MSH3: variants seen among roughly 807,000 people sequenced by gnomAD.
MSH3 encodes DNA mismatch repair protein Msh3.
A neutral mutation model predicts 123.3 loss-of-function variants in MSH3; 106 were observed. The observed-to-expected ratio is 0.86, with a 90% CI of 0.73 to 1.01. The LOEUF (loss-of-function observed/expected upper bound fraction) is 1.01. MSH3 is among the 50% of genes least tolerant of loss of function. The pLI, the probability that MSH3 is intolerant of heterozygous loss-of-function variation, is 0.00. For synonymous variants in MSH3, 515 were observed against 481.4 expected, an observed-to-expected ratio of 1.07 and a Z score of -0.91; for missense variants, 1,459 against 1,347.6, an observed-to-expected ratio of 1.08 and a Z score of -1.29.
At chr5:80,810,419 C>T (rs1479782294) in intron 19 of MSH3, among the ~76,000 whole-genome samples, 1 of 151,840 alleles carries the variant, frequency 6.6e-6, no homozygotes, top group Admixed American at 6.6e-5. Context: ...CCTTTTTGAG[C>T]ACTTGTATGT....
At chr5:80,762,768 TTA>T (rs1375084902) in intron 13 of MSH3, among the ~76,000 whole-genome samples, 43 of 147,864 alleles carry the variant, frequency 2.9e-4, no homozygotes, top group African/African-American at 8.7e-4. Flanking sequence ...TTATTTTATT[TTA>T]TTTTAATTTT....
chr5:80,720,624 T>G (rs572960356), intron 8 of MSH3, among the ~76,000 whole-genome samples: 36 of 152,300 alleles, frequency 2.4e-4, no homozygotes, highest in African/African-American at 8.4e-4. Context: ...ATTTGTTTTC[T>G]TAATAATTTT....
chr5:80,743,977 G>A (rs547624730), intron 11 of MSH3, among the ~76,000 whole-genome samples: 1 of 152,058 alleles, frequency 6.6e-6, no homozygotes, highest in East Asian at 1.9e-4. Flanking sequence ...AGTTAATTGT[G>A]ATTTTTTTTT....
chr5:80,762,735 ATTTTATTTTG>A (rs1334137036), intron 13 of MSH3, among the ~76,000 whole-genome samples: 37 of 145,500 alleles, frequency 2.5e-4, no homozygotes, highest in African/African-American at 5.1e-4. Context: ...CTAAATTTTT[ATTTTATTTTG>A]TTTTATTTTG....
chr5:80,658,202 G>A (rs752470444), intron 2 of MSH3, among the ~76,000 whole-genome samples: 1 of 151,858 alleles, frequency 6.6e-6, no homozygotes, highest in Non-Finnish European at 1.5e-5. Context: ...GGGATTACAG[G>A]TGCGTGCCAC....
intron 12 of MSH3, chr5:80,746,489 C>T (rs1743722653): frequency 4.0e-6 from 2 of 500,392 alleles, no homozygotes; most frequent in African/African-American, 3.9e-5. Context: ...TCAAGCAAAC[C>T]TTTGATGTCT....
chr5:80,715,545 C>T (rs754952738), intron 8 of MSH3, among the ~76,000 whole-genome samples: 3 of 151,996 alleles, frequency 2.0e-5, no homozygotes, highest in Non-Finnish European at 2.9e-5. Context: ...TAGATGTGCT[C>T]TGTTGTATTA....
intron 2 of MSH3, among the ~76,000 whole-genome samples, chr5:80,662,840 A>ATTTT (rs1554066672): frequency 2.7e-5 from 4 of 149,442 alleles, no homozygotes; most frequent in African/African-American, 1.0e-4. Context: ...AAAAAAAAAA[A>ATTTT]TTTTATTTGG....
intron 21 of MSH3, among the ~76,000 whole-genome samples, chr5:80,859,143 T>C (rs245350): frequency 0.86 from 130,966 of 151,952 alleles, 56,522 homozygotes; most frequent in East Asian, 1. Flanking sequence ...ATATTTTAGA[T>C]AGAGTCTCAC....
At chr5:80,769,208 A>G (rs1744175219) in intron 15 of MSH3, among the ~76,000 whole-genome samples, 1 of 152,118 alleles carries the variant, frequency 6.6e-6, no homozygotes, top group African/African-American at 2.4e-5. Flanking sequence ...AAGTAATGCA[A>G]CTTAATGTTA....
intron 16 of MSH3, 34 bp from the exon 17 acceptor site, chr5:80,778,686 T>A (rs1169676367): frequency 1.6e-6 from 2 of 1,250,342 alleles, no homozygotes; most frequent in Admixed American, 3.4e-5. Context: ...TTACTAACCT[T>A]GATTTCCTAT....
chr5:80,851,062 A>G (rs989663806), intron 20 of MSH3, among the ~76,000 whole-genome samples: 2 of 152,060 alleles, frequency 1.3e-5, no homozygotes, highest in African/African-American at 4.8e-5. Flanking sequence ...CTAACATACT[A>G]ATTTTATTGG....
chr5:80,729,430 A>AATG lies in MSH3; in HGVS notation c.1568+465_1568+466insATG, dbSNP rs1491210653. 8.5e-3 allele frequency among the ~76,000 whole-genome samples: 668 copies of AATG among 78,228 alleles called. 8 individuals carry two copies. The highest frequency in any genetic ancestry group is 0.019 in the African/African-American group (336 of 17,778). The allele number at this position is 78,228 out of a possible 152,430, so 51.3% of individuals were successfully genotyped here. On this transcript the variant is annotated intron_variant, in intron 10 of 23. Coordinates refer to ENST00000265081, the MANE Select transcript of MSH3 (RefSeq NM_002439.5). ...CTCCGTCCCAAAAAAAAAAAAAAAA[A>AATG]TGTGTGTGTGTGTGTGTGTGTGTGT...
intron 8 of MSH3, chr5:80,715,448 C>G (rs1265282999): frequency 6.6e-6 from 1 of 152,006 alleles, no homozygotes; most frequent in Non-Finnish European, 1.5e-5. Flanking sequence ...TATTATTTTT[C>G]TTTACTATTT....
intron 20 of MSH3, among the ~76,000 whole-genome samples, chr5:80,841,527 TAA>T (rs1188808102): frequency 6.6e-6 from 1 of 152,232 alleles, no homozygotes; most frequent in African/African-American, 2.4e-5. Context: ...ACCAACAGTG[TAA>T]AAGCGTTTCT....
chr5:80,788,814 AAAAG>A (rs2112021912), intron 18 of MSH3, among the ~76,000 whole-genome samples: 1 of 152,200 alleles, frequency 6.6e-6, no homozygotes, highest in African/African-American at 2.4e-5. Context: ...AAAAAAAAAA[AAAAG>A]AGAGATAGAA....
intron 10 of MSH3, among the ~76,000 whole-genome samples, chr5:80,734,237 G>A (rs925126982): frequency 6.6e-6 from 1 of 152,164 alleles, no homozygotes; most frequent in Non-Finnish European, 1.5e-5. Flanking sequence ...TATATGAAAT[G>A]TCCAGAATAG....
Position 80,786,307 on chromosome 5 carries a change from A to G in MSH3, c.2436-1258A>G, listed in dbSNP as rs1178385436. On this transcript the variant is annotated intron_variant, in intron 17 of 23. Transcript: ENST00000265081. ...AGAGCACAGTTTGAGTCTAGGCTCA[A>G]TTGCTTTAGGCTAACTGCTTTTTCT... Among the ~76,000 whole-genome samples, 6 of 152,254 alleles carry G rather than the reference A, an allele frequency of 3.9e-5. No homozygotes were observed. The East Asian group carries it at 7.7e-4, about 20-fold the overall frequency.
intron 12 of MSH3, among the ~76,000 whole-genome samples, chr5:80,756,507 C>T (rs1743928866): frequency 6.6e-6 from 1 of 152,084 alleles, no homozygotes; most frequent in African/African-American, 2.4e-5. Context: ...CTCCATTTTC[C>T]ACTAATCTTT....
Sources: gnomAD v4.1 joint callset for allele counts (sites outside exome capture counted in the v4.1 genomes callset) on GRCh38, gnomAD v4.1.1 for gene constraint, MANE v1.5 for transcripts, NCBI Gene and HGNC (gene_info 2026-07-23, HGNC 2026-07-21) for gene names.